CCSER1: variants seen among roughly 807,000 people sequenced by gnomAD.
The protein encoded by CCSER1 is serine-rich coiled-coil domain-containing protein 1.
In CCSER1, 41 loss-of-function variants were observed where a neutral mutation model predicts 82.0. The observed-to-expected ratio is 0.50, with a 90% confidence interval of 0.39 to 0.65. The LOEUF is 0.65. CCSER1 is among the 30% of genes least tolerant of loss of function. The pLI is 0.00. For missense variants in CCSER1, 1,119 were observed against 1,064.2 expected, an observed-to-expected ratio of 1.05 and a Z score of -0.72; for synonymous variants, 414 against 383.9, an observed-to-expected ratio of 1.08 and a Z score of -0.92.
intron 9 of CCSER1, among the ~76,000 whole-genome samples, chr4:90,996,011 A>G (rs1188112709): frequency 6.6e-6 from 1 of 152,092 alleles, no homozygotes; most frequent in Non-Finnish European, 1.5e-5. Context: ...ATTTAGATGC[A>G]TGGTTTATGC....
At chr4:90,869,617 T>C (rs1766184301) in intron 8 of CCSER1, among the ~76,000 whole-genome samples, 1 of 151,950 alleles carries the variant, frequency 6.6e-6, no homozygotes, top group Non-Finnish European at 1.5e-5. Flanking sequence ...TTTGTAGCGT[T>C]AAGTTGAGGT....
intron 6 of CCSER1, among the ~76,000 whole-genome samples, chr4:90,638,017 T>C (rs1441778583): frequency 6.6e-6 from 1 of 152,134 alleles, no homozygotes; most frequent in Admixed American, 6.6e-5. Context: ...ACAAAATACG[T>C]ACCCACAAAT....
chr4:90,993,676 C>A (rs549855976), intron 9 of CCSER1, among the ~76,000 whole-genome samples: 1 of 152,078 alleles, frequency 6.6e-6, no homozygotes, highest in African/African-American at 2.4e-5. Context: ...TTCTGGTTTG[C>A]AGATAGCTGC....
At chr4:90,260,528 A>T (rs950231354) in intron 1 of CCSER1, among the ~76,000 whole-genome samples, 1 of 151,088 alleles carries the variant, frequency 6.6e-6, no homozygotes, top group African/African-American at 2.5e-5. Flanking sequence ...TCTTTTTTTT[A>T]CTAGTGTTGC....
At chr4:90,955,378 C>T (rs1345460046) in intron 9 of CCSER1, among the ~76,000 whole-genome samples, 2 of 152,124 alleles carry the variant, frequency 1.3e-5, no homozygotes, top group South Asian at 2.1e-4. Flanking sequence ...CATTAGCTCA[C>T]AAAAATAAGG....
intron 7 of CCSER1, among the ~76,000 whole-genome samples, chr4:90,803,578 A>C (rs573757499): frequency 3.3e-5 from 5 of 152,290 alleles, no homozygotes; most frequent in East Asian, 1.9e-4. Context: ...TCCATGGTGT[A>C]TATCTGCCAC....
chr4:91,077,442 T>G (rs1257825050), intron 9 of CCSER1, among the ~76,000 whole-genome samples: 1 of 152,204 alleles, frequency 6.6e-6, no homozygotes, highest in Non-Finnish European at 1.5e-5. Flanking sequence ...TAGTAAAATG[T>G]GACTCAGATC....
At chr4:90,414,013 T>TATATATATATA (rs1755422871) in intron 4 of CCSER1, among the ~76,000 whole-genome samples, 4 of 121,272 alleles carry the variant, frequency 3.3e-5, no homozygotes, top group South Asian at 3.0e-4. Flanking sequence ...TATATATATC[T>TATATATATATA]TCTTCCTAAA....
intron 1 of CCSER1, among the ~76,000 whole-genome samples, chr4:90,265,389 A>T (rs1439264309): frequency 6.6e-6 from 1 of 151,900 alleles, no homozygotes; most frequent in Admixed American, 6.6e-5. Flanking sequence ...GGTATTAAAA[A>T]AGTAAAGTAA....
Position 90,309,516 on chromosome 4 carries a change from A to G in CCSER1, c.1232A>G (p.His411Arg). The change falls in exon 2 of 11, where the codon CAT (histidine) becomes CGT (arginine). Residue 411 changes from histidine to arginine, a missense_variant. Coordinates refer to ENST00000509176, the MANE Select transcript of CCSER1 (RefSeq NM_001145065.2). ...KAIAEHVKGIHPISDSKIIPT... is the reference protein window; with the variant it reads ...KAIAEHVKGIRPISDSKIIPT... Reference sequence around the variant, plus strand: ...ATAGCGGAACATGTAAAAGGGATCCATCCTATTTCAGATTCAAAGATAATA... The same window carrying G: ...ATAGCGGAACATGTAAAAGGGATCCGTCCTATTTCAGATTCAAAGATAATA... 1.9e-6 allele frequency: 3 copies of G among 1,613,394 alleles called. No individual in the cohort carries two copies. The highest frequency in any genetic ancestry group is 2.5e-6 in the Non-Finnish European group (3 of 1,179,634).
chr4:90,780,409 A>G, intron 7 of CCSER1: 1 of 1,599,002 alleles, frequency 6.3e-7, no homozygotes, highest in Non-Finnish European at 8.5e-7. Flanking sequence ...GGTAGAATAT[A>G]AGGACTGTTA....
intron 7 of CCSER1, 32 bp from the exon 8 acceptor site, chr4:90,815,730 C>G: frequency 6.7e-7 from 1 of 1,487,910 alleles, no homozygotes; most frequent in Non-Finnish European, 9.2e-7. Context: ...AAGGGCTAAG[C>G]CTATTATGCT....
intron 5 of CCSER1, among the ~76,000 whole-genome samples, chr4:90,604,126 A>G (rs1784339901): frequency 2.0e-5 from 3 of 152,166 alleles, no homozygotes; most frequent in Admixed American, 2.0e-4. Context: ...CTGGTGAACT[A>G]TTGAGGGGTA....
At chr4:91,099,724 A>G (rs567872864) in intron 10 of CCSER1, among the ~76,000 whole-genome samples, 2 of 152,284 alleles carry the variant, frequency 1.3e-5, no homozygotes, top group African/African-American at 2.4e-5. Flanking sequence ...CTGTTTGACA[A>G]TTGGTTGAGC....
intron 1 of CCSER1, among the ~76,000 whole-genome samples, chr4:90,305,284 A>G (rs769151888): frequency 8.5e-5 from 13 of 152,200 alleles, no homozygotes; most frequent in African/African-American, 4.8e-5. Context: ...ATTTTAATAT[A>G]CATAAATTTG....
At chr4:91,558,630 A>C (rs2110245512) in intron 10 of CCSER1, among the ~76,000 whole-genome samples, 1 of 151,766 alleles carries the variant, frequency 6.6e-6, no homozygotes, top group Non-Finnish European at 1.5e-5. Context: ...AGGACTCAGA[A>C]TTATGGCAGG....
At chr4:90,649,455 G>A (rs1728313058) in intron 6 of CCSER1, 1 of 152,112 alleles carries the variant, frequency 6.6e-6, no homozygotes, top group Non-Finnish European at 1.5e-5. Context: ...CAATCGTGGG[G>A]CCCTGAATCA....
chr4:90,491,818 T>C (rs2153605251), intron 5 of CCSER1, among the ~76,000 whole-genome samples: 1 of 152,296 alleles, frequency 6.6e-6, no homozygotes, highest in South Asian at 2.1e-4. Flanking sequence ...CTGGATTAAG[T>C]TTATTGATTT....
chr4:90,952,488 C>A (rs1733017418), intron 9 of CCSER1, among the ~76,000 whole-genome samples: 1 of 151,916 alleles, frequency 6.6e-6, no homozygotes, highest in Admixed American at 6.6e-5. Context: ...CAAGGAGAAA[C>A]CCTGCTCTAG....
Sources: gnomAD v4.1 joint callset for allele counts (sites outside exome capture counted in the v4.1 genomes callset) on GRCh38, gnomAD v4.1.1 for gene constraint, MANE v1.5 for transcripts, NCBI Gene and HGNC (gene_info 2026-07-23, HGNC 2026-07-21) for gene names.